The following PDZD9 variants were observed in gnomAD, a reference collection of about 807,000 sequenced individuals.
PDZD9 encodes PDZ domain-containing protein 9.
Under a neutral mutation model 16.3 loss-of-function variants are expected in PDZD9, and 13 were observed. The ratio of observed to expected loss-of-function variants is 0.80; its 90% CI spans 0.52 to 1.27. PDZD9 has a LOEUF of 1.27. Ranked by LOEUF, PDZD9 falls within the 50% of genes most tolerant of loss-of-function variation. The pLI is 0.00. For missense variants in PDZD9, 288 were observed against 310.9 expected (o/e 0.93, Z 0.55); for synonymous variants, 120 against 111.0 (o/e 1.08, Z -0.51).
At chr16:21,976,215 C>T in the PDZD9 span, 1 of 1,613,964 alleles carries the variant, frequency 6.2e-7, no homozygotes, top group Non-Finnish European at 8.5e-7. Context: ...TCAAGGAAAC[C>T]TTTCCAACAC....
Position 21,991,983 on chromosome 16 carries a change from T to C in PDZD9, c.212-3192A>G, listed in dbSNP as rs1230313874. ...CCAGCTCTGAACACAGACTCAGTTG[T>C]GTAACTAAGATGAACAAGTTATTTC... On this transcript the variant is annotated intron_variant, in intron 2 of 3. Transcript: ENST00000424898. 2.0e-5 allele frequency among the ~76,000 whole-genome samples: 3 copies of C among 152,318 alleles called. No individual in the cohort carries two copies. The East Asian group carries it at 5.8e-4, about 29-fold the overall frequency.
At chr16:21,985,408 A>G (rs1230612286) in intron 3 of PDZD9, among the ~76,000 whole-genome samples, 1 of 152,102 alleles carries the variant, frequency 6.6e-6, no homozygotes, top group Non-Finnish European at 1.5e-5. Context: ...AAGTGCTAGG[A>G]TTACAGGCAT....
chr16:21,991,293 G>A (rs1899015989), intron 2 of PDZD9, among the ~76,000 whole-genome samples: 1 of 151,908 alleles, frequency 6.6e-6, no homozygotes, highest in Non-Finnish European at 1.5e-5. Flanking sequence ...TGGAATGCAG[G>A]GATACAAATA....
chr16:21,970,646 C>T, the PDZD9 span, among the ~76,000 whole-genome samples: 1 of 152,036 alleles, frequency 6.6e-6, no homozygotes. Context: ...AGTGCAGTGG[C>T]GCAATCTCAG....
At chr16:22,000,738 C>A (rs968115582) in intron 1 of PDZD9, among the ~76,000 whole-genome samples, 4 of 151,646 alleles carry the variant, frequency 2.6e-5, no homozygotes, top group Middle Eastern at 3.2e-3. Context: ...GCAGAGGAAT[C>A]ACTTGAGCCT....
At chr16:21,980,752 A>T, downstream of PDZD9, 1 of 1,597,952 alleles carries the variant, frequency 6.3e-7, no homozygotes, top group South Asian at 1.1e-5. Flanking sequence ...AACCTTAATG[A>T]TCCAATTTCA....
At chr16:21,990,676 C>T (rs775634213) in intron 2 of PDZD9, among the ~76,000 whole-genome samples, 13 of 152,174 alleles carry the variant, frequency 8.5e-5, no homozygotes, top group Non-Finnish European at 1.8e-4. Flanking sequence ...AAAAACAAAA[C>T]CCTCCCCGGA....
rs1376656135 is a variant in PDZD9 at position 22,001,001 on chromosome 16, C to T, written c.31+16G>A. 3.9e-6 allele frequency: 6 copies of T among 1,533,616 alleles called. No individual in the cohort carries two copies. Among genetic ancestry groups the T allele is most frequent in the Non-Finnish European group, 5.2e-6 (6 of 1,145,916 alleles). The stretch of plus-strand genomic sequence containing the variant: ...GTCCCCAGGGCTTCTTCACCCGCTT[C>T]CTTCTCCCCAGTTACCTTTTTTGTT... On this transcript the variant is annotated intron_variant, in intron 1 of 3. Transcript: ENST00000424898.
chr16:21,958,973 G>GA, the PDZD9 span, among the ~76,000 whole-genome samples: 2 of 151,888 alleles, frequency 1.3e-5, no homozygotes, highest in African/African-American at 2.4e-5. Flanking sequence ...TTTTGTCTTG[G>GA]AAAAAAAGTA....
At chr16:21,965,620 C>G in the PDZD9 span, 471 of 854,252 alleles carry the variant, frequency 5.5e-4, 1 homozygote, top group Non-Finnish European at 7.3e-4. Flanking sequence ...AGAAATTCAG[C>G]GTGCTAGCTT....
At chr16:21,987,481 A>G (rs1468646289) in intron 3 of PDZD9, among the ~76,000 whole-genome samples, 3 of 152,194 alleles carry the variant, frequency 2.0e-5, no homozygotes, top group Admixed American at 2.0e-4. Flanking sequence ...GCATGTGGAT[A>G]GTCATAGAAA....
chr16:21,979,327 C>T (rs1898659148), downstream of PDZD9, among the ~76,000 whole-genome samples: 1 of 152,154 alleles, frequency 6.6e-6, no homozygotes, highest in Admixed American at 6.5e-5. Flanking sequence ...TGGAGGAAAA[C>T]CATCGCAATT....
chr16:21,977,840 T>A, the PDZD9 span, among the ~76,000 whole-genome samples: 2 of 152,202 alleles, frequency 1.3e-5, no homozygotes, highest in Admixed American at 1.3e-4. Flanking sequence ...TATTGTTAGT[T>A]TTGTTATGCT....
intron 3 of PDZD9, 73 bp downstream of exon 3, chr16:21,988,529 A>G: frequency 3.2e-6 from 4 of 1,245,376 alleles, no homozygotes; most frequent in Non-Finnish European, 3.4e-6. Flanking sequence ...TAATTGTCAC[A>G]TTAAACCATC....
At chr16:21,958,554 C>G in the PDZD9 span, 1 of 1,612,428 alleles carries the variant, frequency 6.2e-7, no homozygotes, top group Non-Finnish European at 8.5e-7. Flanking sequence ...GGAGCTTCAT[C>G]TTTCAAGATA....
intron 3 of PDZD9, among the ~76,000 whole-genome samples, chr16:21,985,269 G>C (rs1271758209): frequency 6.6e-6 from 1 of 151,956 alleles, no homozygotes; most frequent in Admixed American, 6.6e-5. Context: ...TGTGTATGCT[G>C]TATGCCACCG....
the PDZD9 span, chr16:21,972,029 T>G: frequency 6.2e-7 from 1 of 1,614,212 alleles, no homozygotes; most frequent in Non-Finnish European, 8.5e-7. Flanking sequence ...TTCTTCAGCA[T>G]GTCCTCGGTG....
At chr16:21,961,033 G>A in the PDZD9 span, among the ~76,000 whole-genome samples, 1 of 152,058 alleles carries the variant, frequency 6.6e-6, no homozygotes, top group Non-Finnish European at 1.5e-5. Flanking sequence ...GTCTCACTAT[G>A]TTGCCCAGAC....
rs762866725 is a variant in PDZD9, at chr16:21,996,482, C to T, written c.51G>A (p.Lys17=). 2.0e-6 allele frequency: 3 copies of T among 1,535,422 alleles called. No homozygotes were observed. Among genetic ancestry groups the T allele is most frequent in the South Asian group, 1.2e-5 (1 of 84,012 alleles). Residue 17 remains lysine (K), a synonymous_variant, in exon 2 of 4, where the codon AAG becomes AAA. Coordinates refer to ENST00000424898, the MANE Select transcript of PDZD9 (RefSeq NM_001363519.1). ...TCAAGTTGTGTACAGATGTTTTGAC[C>T]TTGTTGCTGACTCCTCTTTCTAACC... ...KNKKERGVSN[K]VKTSVHNLSK...
Sources: gnomAD v4.1 joint callset for allele counts (sites outside exome capture counted in the v4.1 genomes callset) on GRCh38, gnomAD v4.1.1 for gene constraint, MANE v1.5 for transcripts, NCBI Gene and HGNC (gene_info 2026-07-23, HGNC 2026-07-21) for gene names.